DPP10: variants seen among roughly 807,000 people sequenced by gnomAD.
DPP10 encodes inactive dipeptidyl peptidase 10.
In DPP10, 33 loss-of-function variants were observed where a neutral mutation model predicts 120.9. That is an observed-to-expected ratio of 0.27 (90% CI 0.21 to 0.37). The LOEUF (loss-of-function observed/expected upper bound fraction) is 0.37. Among genes scored for constraint, DPP10 ranks in the 10% least tolerant of loss-of-function variants. The pLI is 1.00. For synonymous variants in DPP10, 337 were observed against 326.1 expected, an observed-to-expected ratio of 1.03 and a Z score of -0.36; for missense variants, 816 against 942.8, an observed-to-expected ratio of 0.87 and a Z score of 1.76.
intron 1 of DPP10, among the ~76,000 whole-genome samples, chr2:114,805,230 T>C (rs1421568263): frequency 6.6e-6 from 1 of 152,226 alleles, no homozygotes; most frequent in African/African-American, 2.4e-5. Context: ...GTCTCAGATA[T>C]GTCTTTATTG....
intron 1 of DPP10, among the ~76,000 whole-genome samples, chr2:114,970,240 A>C (rs1242096410): frequency 6.6e-6 from 1 of 152,148 alleles, no homozygotes; most frequent in Non-Finnish European, 1.5e-5. Context: ...ATAAATTAAG[A>C]CAAAAATCTA....
chr2:115,668,065 C>A (rs981608059), intron 5 of DPP10, among the ~76,000 whole-genome samples: 1 of 151,938 alleles, frequency 6.6e-6, no homozygotes. Flanking sequence ...CTTTGTGTAT[C>A]TTATAATTTT....
At chr2:115,025,534 G>A (rs1022073440) in intron 1 of DPP10, among the ~76,000 whole-genome samples, 2 of 152,062 alleles carry the variant, frequency 1.3e-5, no homozygotes, top group African/African-American at 4.8e-5. Context: ...GGAATTGCTA[G>A]ATCATACGGT....
chr2:114,874,310 G>T (rs62165248), intron 1 of DPP10, among the ~76,000 whole-genome samples: 27,608 of 152,108 alleles, frequency 0.18, 2,726 homozygotes, highest in Middle Eastern at 0.27. Flanking sequence ...ACAAATGATG[G>T]TGGCCTTAAA....
intron 21 of DPP10, among the ~76,000 whole-genome samples, chr2:115,824,271 C>T (rs375376693): frequency 5.3e-5 from 8 of 152,202 alleles, no homozygotes; most frequent in East Asian, 1.9e-4. Flanking sequence ...TGGGATTTGG[C>T]GATGGCTGTG....
intron 1 of DPP10, among the ~76,000 whole-genome samples, chr2:115,151,107 AT>A (rs1352850878): frequency 6.6e-6 from 1 of 152,160 alleles, no homozygotes; most frequent in African/African-American, 2.4e-5. Context: ...GACCGTTATA[AT>A]TGAAATTCAG....
At chr2:115,183,138 C>T (rs1225158417) in intron 1 of DPP10, among the ~76,000 whole-genome samples, 1 of 152,050 alleles carries the variant, frequency 6.6e-6, no homozygotes, top group Non-Finnish European at 1.5e-5. Flanking sequence ...CTAATTGTGG[C>T]CAGATTTTAT....
chr2:114,651,366 G>A (rs560285964), intron 1 of DPP10, among the ~76,000 whole-genome samples: 29 of 152,044 alleles, frequency 1.9e-4, no homozygotes, highest in Non-Finnish European at 3.8e-4. Flanking sequence ...GAACTTTTGC[G>A]TGAGTGGCAA....
At chr2:115,328,497 A>G (rs903487817) in intron 2 of DPP10, among the ~76,000 whole-genome samples, 1 of 152,076 alleles carries the variant, frequency 6.6e-6, no homozygotes, top group South Asian at 2.1e-4. Flanking sequence ...TACATTTCTT[A>G]TTTGATGAGC....
intron 1 of DPP10, among the ~76,000 whole-genome samples, chr2:114,917,729 G>A (rs1386678647): frequency 2.6e-5 from 4 of 152,016 alleles, no homozygotes; most frequent in African/African-American, 4.8e-5. Context: ...TTAAATAAAC[G>A]GTGCTGGTAT....
intron 10 of DPP10, among the ~76,000 whole-genome samples, chr2:115,748,881 TTA>T (rs904988589): frequency 5.3e-5 from 8 of 152,150 alleles, no homozygotes; most frequent in African/African-American, 1.9e-4. Flanking sequence ...TTTTATTTAT[TTA>T]TGTCTGATTC....
chr2:115,558,963 C>A (rs773026043), intron 5 of DPP10, among the ~76,000 whole-genome samples: 1 of 152,112 alleles, frequency 6.6e-6, no homozygotes, highest in Non-Finnish European at 1.5e-5. Context: ...GAATTGCCCG[C>A]AGTGAGCTAG....
chr2:115,553,314 A>T (rs1422079895), intron 5 of DPP10, among the ~76,000 whole-genome samples: 1 of 152,066 alleles, frequency 6.6e-6, no homozygotes, highest in Non-Finnish European at 1.5e-5. Context: ...GTCTTTCTCC[A>T]TAGCTATTCT....
chr2:115,190,656 G>A (rs2054813513), intron 1 of DPP10, among the ~76,000 whole-genome samples: 1 of 152,196 alleles, frequency 6.6e-6, no homozygotes, highest in Admixed American at 6.5e-5. Context: ...TTCAACCTCA[G>A]GGAACAGCAG....
chr2:115,071,195 C>T (rs1707337774), intron 1 of DPP10, among the ~76,000 whole-genome samples: 1 of 151,990 alleles, frequency 6.6e-6, no homozygotes, highest in South Asian at 2.1e-4. Flanking sequence ...TTTTTATAAC[C>T]TTTCTTCTAC....
intron 1 of DPP10, among the ~76,000 whole-genome samples, chr2:115,130,558 CT>C (rs1223389027): frequency 7.8e-6 from 1 of 128,252 alleles, no homozygotes; most frequent in African/African-American, 4.7e-5. Context: ...CTTCAGCTTT[CT>C]TTTTTTAATC....
Position 115,534,572 on chromosome 2 carries a change from C to G in DPP10, c.441+8600C>G, listed in dbSNP as rs1304816732. 3.9e-5 allele frequency among the ~76,000 whole-genome samples: 6 copies of G among 152,070 alleles called. No homozygotes were observed. In the East Asian group the frequency reaches 1.2e-3, roughly 30 times the overall value. On this transcript the variant is annotated intron_variant, in intron 5 of 25. Transcript: ENST00000410059. ...TTTGAATAATGCCGCAATAAACATA[C>G]GTGTGCATGTGTCTTTATAGCAGCA...
chr2:115,362,189 C>G (rs1050258442), intron 3 of DPP10, among the ~76,000 whole-genome samples: 1 of 152,104 alleles, frequency 6.6e-6, no homozygotes, highest in East Asian at 1.9e-4. Flanking sequence ...CATGTAGGTG[C>G]ATTCCAAAAT....
chr2:114,623,886 C>T (rs1041722700), intron 1 of DPP10, among the ~76,000 whole-genome samples: 3 of 151,982 alleles, frequency 2.0e-5, no homozygotes, highest in Non-Finnish European at 4.4e-5. Context: ...TTACTATGTG[C>T]CTTACTCTAT....
Sources: allele counts gnomAD v4.1 joint callset (sites outside exome capture counted in the v4.1 genomes callset), GRCh38; gene constraint gnomAD v4.1.1; transcripts MANE v1.5; gene names NCBI Gene and HGNC (gene_info 2026-07-23, HGNC 2026-07-21).